UCP3: variants seen among roughly 807,000 people sequenced by gnomAD.
The protein encoded by UCP3 is putative mitochondrial transporter UCP3.
In UCP3, 24 loss-of-function variants were observed where a neutral mutation model predicts 28.1. The observed-to-expected ratio is 0.85, with a 90% CI of 0.62 to 1.20. The LOEUF (loss-of-function observed/expected upper bound fraction) is 1.20, where lower values mean the gene tolerates loss of function less well. Ranked by LOEUF, UCP3 falls within the 50% of genes most tolerant of loss-of-function variation. The probability of loss-of-function intolerance (pLI) is 0.00; values close to 1 mark genes in which losing one functional copy is unlikely to be tolerated. For missense variants in UCP3, 397 were observed against 422.2 expected, an observed-to-expected ratio of 0.94 and a Z score of 0.52; for synonymous variants, 184 against 171.2, an observed-to-expected ratio of 1.07 and a Z score of -0.59.
Position 74,006,256 on chromosome 11 carries a change from C to T in UCP3, c.250G>A (p.Gly84Ser), listed in dbSNP as rs183714776. ...GCGAAGCTCATCTGGCGCTGCAGGC[C>T]GGCCACCAGCCCATTGTAGGGGCTG... Reference protein sequence around the residue: ...PCSPYNGLVAGLQRQMSFASI... With the variant: ...PCSPYNGLVASLQRQMSFASI... Residue 84 changes from glycine (G) to serine (S), a missense_variant, in exon 3 of 7, where the codon GGC becomes AGC. Gly to Ser is a moderately conservative substitution (Grantham distance 56, BLOSUM62 0). Transcript: ENST00000314032. 8.7e-5 allele frequency: 140 copies of T among 1,613,892 alleles called. No homozygotes were observed. The Middle Eastern group carries it at 1.5e-3, about 17-fold the overall frequency.
rs771785449 is a variant in UCP3, at chr11:74,004,498, T to C, written c.629A>G (p.Tyr210Cys). The stretch of plus-strand genomic sequence containing the variant: ...CAGGGCCTCACCAGTGAGCAGGTGG[T>C]AGTCCAGCAGCTTCTCCTTGAGGAT... Reference protein sequence around the residue: ...YDILKEKLLDYHLLTDNFPCH... With the variant: ...YDILKEKLLDCHLLTDNFPCH... The change falls in exon 5 of 7, where the codon TAC becomes TGC. Residue 210 changes from tyrosine (Y) to cysteine (C), a missense_variant. Physicochemically the swap from Tyr to Cys is radical, Grantham distance 194. Coordinates refer to ENST00000314032, the MANE Select transcript of UCP3 (RefSeq NM_003356.4). 14 of 1,614,000 alleles carry C rather than the reference T, an allele frequency of 8.7e-6. No individual in the cohort carries two copies. In the African/African-American group the frequency reaches 1.3e-4, roughly 15 times the overall value.
intron 6 of UCP3, among the ~76,000 whole-genome samples, chr11:74,002,475 A>G (rs1951629039): frequency 6.6e-6 from 1 of 152,168 alleles, no homozygotes; most frequent in Non-Finnish European, 1.5e-5. Context: ...AATCTTTCTA[A>G]GCCTCAGTTT....
At chr11:74,008,137 C>T (rs976676861) in intron 1 of UCP3, among the ~76,000 whole-genome samples, 2 of 152,188 alleles carry the variant, frequency 1.3e-5, no homozygotes, top group Non-Finnish European at 2.9e-5. Flanking sequence ...GGACCTGAGG[C>T]TTCCAGGGCT....
chr11:74,005,280 CCT>C (rs1279532911), intron 4 of UCP3, among the ~76,000 whole-genome samples: 4 of 152,296 alleles, frequency 2.6e-5, no homozygotes, highest in African/African-American at 9.6e-5. Flanking sequence ...TTCTGATGCT[CCT>C]CTTTTTCCTC....
Position 74,007,137 on chromosome 11 carries a change from G to T in UCP3, c.-95C>A. 1 of 1,521,680 alleles carries T rather than the reference G, an allele frequency of 6.6e-7. No homozygotes were observed. Among genetic ancestry groups the T allele is most frequent in the South Asian group, 1.2e-5 (1 of 85,154 alleles). 94.3% of individuals were successfully genotyped at this position (1,521,680 alleles called of 1,614,324 possible). ...CCCTGGGCTTCAGTGCAGCGGTGGG[G>T]CTGCAGGAGACAGGCCAGAGAAGGC... On this transcript the variant is annotated splice_region_variant and 5_prime_UTR_variant, in exon 2 of 7. Transcript: ENST00000314032.
Position 74,005,947 on chromosome 11 carries a change from A to T in UCP3, c.338-14T>A, listed in dbSNP as rs1390957896. 1 of 1,613,694 alleles carries T rather than the reference A, an allele frequency of 6.2e-7. No individual in the cohort carries two copies. Among genetic ancestry groups the T allele is most frequent in the East Asian group, 2.2e-5 (1 of 44,880 alleles). Reference sequence around the variant, plus strand: ...TGAGGCTGGAGTCTGGGAGGGGCAGAGAGAGTGGGCCAGTGTCCCCTACTA... The same window carrying T: ...TGAGGCTGGAGTCTGGGAGGGGCAGTGAGAGTGGGCCAGTGTCCCCTACTA... On this transcript the variant is annotated splice_polypyrimidine_tract_variant and intron_variant, in intron 3 of 6. Coordinates refer to ENST00000314032, the MANE Select transcript of UCP3 (RefSeq NM_003356.4).
chr11:74,008,794 C>CA (rs1209281911), intron 1 of UCP3, among the ~76,000 whole-genome samples, 184 bp downstream of exon 1: 1 of 152,232 alleles, frequency 6.6e-6, no homozygotes, highest in Non-Finnish European at 1.5e-5. Flanking sequence ...ACAGTACCCT[C>CA]ATCAAGGCCA....
chr11:74,008,601 C>A (rs531949202), intron 1 of UCP3, among the ~76,000 whole-genome samples: 4 of 152,254 alleles, frequency 2.6e-5, no homozygotes, highest in African/African-American at 7.2e-5. Context: ...GCCCCAGGGT[C>A]CTCATGGAAA....
chr11:74,001,675 C>CTTTT, intron 6 of UCP3, 149 bp from the exon 7 acceptor site: 1 of 607,034 alleles, frequency 1.6e-6, no homozygotes, highest in Non-Finnish European at 2.9e-6. Context: ...CTCTCTCTCT[C>CTTTT]TTTTTTTTTT....
chr11:74,004,701 C>G, intron 4 of UCP3, 116 bp from the exon 5 acceptor site: 1 of 923,822 alleles, frequency 1.1e-6, no homozygotes, highest in African/African-American at 1.6e-5. Context: ...GGCCATAGTG[C>G]CCCATTCCAA....
Position 74,004,605 on chromosome 11 carries a change from G to A in UCP3, c.542-20C>T, listed in dbSNP as rs1402826414. ...AAGTTCCTGTTAGGAAGGCGGTGGG[G>A]AGGGATGTGAAATGGGTGGGGAGGG... is the stretch of plus-strand genomic sequence containing the variant. On this transcript the variant is annotated intron_variant, in intron 4 of 6. Transcript: ENST00000314032. The A allele has an allele frequency of 6.2e-7, 1 of 1,607,898 alleles. No homozygotes were observed. Among genetic ancestry groups the A allele is most frequent in the East Asian group, 2.2e-5 (1 of 44,804 alleles).
Position 74,007,077 on chromosome 11 carries a change from C to A in UCP3, c.-35G>T. The A allele has an allele frequency of 6.2e-7, 1 of 1,611,650 alleles. No individual in the cohort carries two copies. Among genetic ancestry groups the A allele is most frequent in the Non-Finnish European group, 8.5e-7 (1 of 1,179,546 alleles). On this transcript the variant is annotated 5_prime_UTR_variant, in exon 2 of 7. Transcript: ENST00000314032. ...AGGCTCTGCCCAGTCCCTTTAGGGC[C>A]GAGAGGAGGTCCAAGGAGAGAGGCT... is the stretch of plus-strand genomic sequence containing the variant.
chr11:74,004,684 G>A, intron 4 of UCP3, 99 bp from the exon 5 acceptor site: 2 of 1,153,994 alleles, frequency 1.7e-6, no homozygotes, highest in Non-Finnish European at 2.5e-6. Flanking sequence ...ACAGGCCCCA[G>A]TTTTGGGGCC....
At chr11:74,003,712 A>G in intron 6 of UCP3, 115 bp downstream of exon 6, 3 of 1,466,128 alleles carry the variant, frequency 2.0e-6, no homozygotes, top group Non-Finnish European at 2.7e-6. Flanking sequence ...TCTTTGTGGC[A>G]TTTACATCTG....
chr11:74,002,581 C>A (rs373567148), intron 6 of UCP3, among the ~76,000 whole-genome samples: 1 of 152,156 alleles, frequency 6.6e-6, no homozygotes, highest in Non-Finnish European at 1.5e-5. Flanking sequence ...CAGCACAGGG[C>A]CCAGCATCAA....
chr11:74,003,336 G>T, intron 6 of UCP3: 1 of 409,974 alleles, frequency 2.4e-6, no homozygotes, highest in Non-Finnish European at 3.3e-6. Flanking sequence ...CATTGCAGAA[G>T]TTCCCAGGGA....
At chr11:74,007,359 G>A (rs2135390305) in intron 1 of UCP3, 1 of 380,246 alleles carries the variant, frequency 2.6e-6, no homozygotes, top group Non-Finnish European at 5.0e-6. Flanking sequence ...GGTAGGCAGA[G>A]CTGATAGTGG....
At chr11:74,004,621 G>T in intron 4 of UCP3, 36 bp from the exon 5 acceptor site, 1 of 1,577,038 alleles carries the variant, frequency 6.3e-7, no homozygotes, top group Non-Finnish European at 8.7e-7. Context: ...TGTGAAATGG[G>T]TGGGGAGGGA....
At chr11:74,006,050 A>C in intron 3 of UCP3, 117 bp from the exon 4 acceptor site, 1 of 1,557,824 alleles carries the variant, frequency 6.4e-7, no homozygotes, top group Admixed American at 1.9e-5. Flanking sequence ...GCCTCCTCAT[A>C]AGCGTCCGGT....
Sources: allele counts gnomAD v4.1 joint callset (sites outside exome capture counted in the v4.1 genomes callset), GRCh38; gene constraint gnomAD v4.1.1; transcripts MANE v1.5; gene names NCBI Gene and HGNC (gene_info 2026-07-23, HGNC 2026-07-21).